PIKFYVE: variants seen among roughly 807,000 people sequenced by gnomAD.
PIKFYVE encodes 1-phosphatidylinositol 3-phosphate 5-kinase.
Under a neutral mutation model 257.9 loss-of-function variants are expected in PIKFYVE, and 122 were observed. The ratio of observed to expected loss-of-function variants is 0.47; its 90% CI spans 0.41 to 0.55. The LOEUF (loss-of-function observed/expected upper bound fraction) is 0.55. Ranked by LOEUF, PIKFYVE falls within the 20% of genes least tolerant of loss-of-function variation. The probability of loss-of-function intolerance (pLI) is 0.00; values close to 1 mark genes in which losing one functional copy is unlikely to be tolerated. For missense variants in PIKFYVE, 2,160 were observed against 2,536.6 expected, an observed-to-expected ratio of 0.85 and a Z score of 3.19; for synonymous variants, 892 against 868.9, an observed-to-expected ratio of 1.03 and a Z score of -0.47.
intron 27 of PIKFYVE, 139 bp downstream of exon 27, chr2:208,336,339 C>T (rs1285593214): frequency 2.1e-6 from 2 of 944,634 alleles, no homozygotes; most frequent in East Asian, 5.3e-5. Context: ...CTGTCACTCT[C>T]CTTTCCTCTT....
intron 7 of PIKFYVE, among the ~76,000 whole-genome samples, chr2:208,291,922 T>C (rs1248033296): frequency 6.6e-6 from 1 of 152,118 alleles, no homozygotes; most frequent in African/African-American, 2.4e-5. Flanking sequence ...TTTAAATGTA[T>C]GCGCTTCGTG....
intron 11 of PIKFYVE, among the ~76,000 whole-genome samples, 184 bp from the exon 12 acceptor site, chr2:208,304,662 T>A (rs1275747392): frequency 6.6e-6 from 1 of 152,238 alleles, no homozygotes; most frequent in Admixed American, 6.5e-5. Flanking sequence ...GATTTTATAT[T>A]TAACTTGTTC....
intron 16 of PIKFYVE, 91 bp from the exon 17 acceptor site, chr2:208,320,161 T>A (rs1696043817): frequency 2.7e-6 from 4 of 1,477,744 alleles, no homozygotes; most frequent in Non-Finnish European, 3.6e-6. Context: ...TTAGTAGGAA[T>A]TATGAACAAT....
chr2:208,322,398 A>AAAC (rs1553519144), intron 17 of PIKFYVE, among the ~76,000 whole-genome samples: 1 of 148,958 alleles, frequency 6.7e-6, no homozygotes, highest in African/African-American at 2.5e-5. Context: ...AAAAAAAAAA[A>AAAC]CTTAGAAATT....
chr2:208,267,495 A>G (rs963140318), intron 1 of PIKFYVE, among the ~76,000 whole-genome samples: 17 of 129,140 alleles, frequency 1.3e-4, no homozygotes, highest in African/African-American at 4.9e-4. Context: ...AAATTATTAC[A>G]TTGCCAGTTT....
intron 1 of PIKFYVE, among the ~76,000 whole-genome samples, chr2:208,267,833 A>G (rs1688865244): frequency 6.6e-6 from 1 of 150,748 alleles, no homozygotes; most frequent in Non-Finnish European, 1.5e-5. Flanking sequence ...GGCTGGAGTG[A>G]AGTGGTGTGA....
chr2:208,298,832 C>T (rs7569723), intron 8 of PIKFYVE, 53 bp downstream of exon 8: 1,561,815 of 1,606,644 alleles, frequency 0.97, 760,584 homozygotes, highest in Non-Finnish European at 0.98. Flanking sequence ...AGAGAATGTT[C>T]ATGTGACTGA....
At chr2:208,267,230 A>G (rs778003536) in intron 1 of PIKFYVE, among the ~76,000 whole-genome samples, 1 of 51,608 alleles carries the variant, frequency 1.9e-5, no homozygotes, top group Non-Finnish European at 3.6e-5. Context: ...CTTATTTCTG[A>G]TTTATTTGAG....
intron 7 of PIKFYVE, among the ~76,000 whole-genome samples, chr2:208,292,550 C>T (rs940599014): frequency 1.3e-5 from 2 of 152,006 alleles, no homozygotes; most frequent in African/African-American, 4.8e-5. Flanking sequence ...TATGTAATTT[C>T]CCTTTTTATC....
In PIKFYVE at chr2:208,301,034, A is replaced by C; in HGVS notation, c.1148A>C (p.Asn383Thr). ...CGCTACTGGTTGAGAACGCATCCCA[A>C]CTGCATTGTAGGAAAGGAATTAGTC... is the stretch of plus-strand genomic sequence containing the variant. Reference protein sequence around the residue: ...DHRYWLRTHPNCIVGKELVNW... With the variant: ...DHRYWLRTHPTCIVGKELVNW... Residue 383 changes from asparagine to threonine, a missense_variant, in exon 9 of 42, where the codon AAC (asparagine) becomes ACC (threonine). By Grantham distance (65) the Asn-to-Thr change is moderately conservative. Around this residue, in one of 12 missense-constraint regions of PIKFYVE, gnomAD observed 90 missense variants for 110.6 expected, o/e 0.81. Transcript: ENST00000264380. 1.2e-6 allele frequency: 2 copies of C among 1,614,174 alleles called. No individual in the cohort carries two copies. The highest frequency in any genetic ancestry group is 1.7e-6 in the Non-Finnish European group (2 of 1,180,020).
At chr2:208,315,840 ATTTTT>A (rs11411153) in intron 15 of PIKFYVE, among the ~76,000 whole-genome samples, 1 of 147,894 alleles carries the variant, frequency 6.8e-6, no homozygotes, top group African/African-American at 2.5e-5. Flanking sequence ...ATTTTTTGCG[ATTTTT>A]TTTTTTAACT....
intron 15 of PIKFYVE, among the ~76,000 whole-genome samples, chr2:208,316,154 C>T (rs1160763200): frequency 1.3e-5 from 2 of 151,204 alleles, no homozygotes; most frequent in Non-Finnish European, 2.9e-5. Flanking sequence ...CGATAGTTTA[C>T]TGAGAATGAT....
intron 17 of PIKFYVE, among the ~76,000 whole-genome samples, chr2:208,321,599 C>T (rs1474772344): frequency 1.9e-5 from 2 of 105,206 alleles, no homozygotes; most frequent in Non-Finnish European, 3.8e-5. Context: ...TTTTTTGAGA[C>T]GAAGTCTCGC....
chr2:208,280,486 G>A (rs1453778681), intron 5 of PIKFYVE, among the ~76,000 whole-genome samples: 1 of 152,196 alleles, frequency 6.6e-6, no homozygotes, highest in Non-Finnish European at 1.5e-5. Flanking sequence ...AGTGTCAGTT[G>A]AGAGTAGGTG....
At chr2:208,282,527 T>C (rs1200782338) in intron 5 of PIKFYVE, among the ~76,000 whole-genome samples, 1 of 152,268 alleles carries the variant, frequency 6.6e-6, no homozygotes, top group Non-Finnish European at 1.5e-5. Context: ...GATTTCTGTC[T>C]TGCAGTGTTG....
rs747939423 is a variant in PIKFYVE at position 208,288,802 on chromosome 2, TCTC to T, written c.898_900del (p.Pro300del). 35 of 1,614,086 alleles carry T rather than the reference TCTC, an allele frequency of 2.2e-5. No individual in the cohort carries two copies. Among genetic ancestry groups the T allele is most frequent in the African/African-American group, 1.6e-4 (12 of 75,054 alleles). ...ATCTGTGCAAGAGGATGCTGGGAAA[TCTC>T]CTGCTCGAAATAGGTAAACTGACAA... On this transcript the variant is annotated inframe_deletion, in exon 7 of 42. Transcript: ENST00000264380.
At chr2:208,296,268 G>C (rs1281843622) in intron 7 of PIKFYVE, among the ~76,000 whole-genome samples, 1 of 152,154 alleles carries the variant, frequency 6.6e-6, no homozygotes, top group Non-Finnish European at 1.5e-5. Context: ...GCCTCCCAAA[G>C]TGCTGGGATT....
rs1045809788 is a variant in PIKFYVE, at chr2:208,298,761, T to C, written c.1032T>C (p.Asp344=). ...ATGTTAGGACAGAGACCACTGAGGA[T>C]GAACGCAAAATTCTTCTGGTACTGG... ...RTYVRTETTE[D]ERKILLDSVQ... The change falls in exon 8 of 42, where the codon GAT becomes GAC. Residue 344 remains aspartate, a synonymous_variant. Transcript: ENST00000264380. 1 of 1,614,142 alleles carries C rather than the reference T, an allele frequency of 6.2e-7. No homozygotes were observed. Among genetic ancestry groups the C allele is most frequent in the South Asian group, 1.1e-5 (1 of 91,080 alleles).
At position 208,325,413 on chromosome 2, in the gene PIKFYVE, C is replaced by T; in HGVS notation, c.2602C>T (p.Leu868=). 1 of 1,614,182 alleles carries T rather than the reference C, an allele frequency of 6.2e-7. No homozygotes were observed. The highest frequency in any genetic ancestry group is 8.5e-7 in the Non-Finnish European group (1 of 1,180,022). ...GATCTGTGTTGCTTATCATTCTCAA[C>T]TAGAAATATCCTTTCTCATGGATGA... ...FMICVAYHSQ[L]EISFLMDEFA... Residue 868 remains leucine (L), a synonymous_variant, in exon 20 of 42, where the codon CTA becomes TTA. Transcript: ENST00000264380.
Sources: gnomAD v4.1 joint callset for allele counts (sites outside exome capture counted in the v4.1 genomes callset) on GRCh38, gnomAD v4.1.1 for gene constraint, gnomAD v4.1.1 regional missense constraint, MANE v1.5 for transcripts, NCBI Gene and HGNC (gene_info 2026-07-23, HGNC 2026-07-21) for gene names.